Variants in GDPD1 observed in about 807,000 individuals in gnomAD.
The protein encoded by GDPD1 is glycerophosphodiester phosphodiesterase domain containing 1.
Under a neutral mutation model 45.1 loss-of-function variants are expected in GDPD1, and 28 were observed. The ratio of observed to expected loss-of-function variants is 0.62; its 90% confidence interval spans 0.46 to 0.85. GDPD1 has a LOEUF of 0.85. Ranked by LOEUF, GDPD1 falls within the 40% of genes least tolerant of loss-of-function variation. The pLI, the probability that GDPD1 is intolerant of heterozygous loss-of-function variation, is 0.00. For synonymous variants in GDPD1, 139 were observed against 131.4 expected (o/e 1.06, Z -0.40); for missense variants, 256 against 364.8 (o/e 0.70, Z 2.43).
chr17:59,237,374 CTGAG>C (rs1233162415), intron 2 of GDPD1, among the ~76,000 whole-genome samples: 1 of 152,076 alleles, frequency 6.6e-6, no homozygotes, highest in Non-Finnish European at 1.5e-5. Flanking sequence ...GTACTCCAGC[CTGAG>C]TGACAGAGCC....
chr17:59,258,547 AAAAC>A (rs142680413), intron 6 of GDPD1, among the ~76,000 whole-genome samples: 25 of 152,264 alleles, frequency 1.6e-4, no homozygotes, highest in East Asian at 1.9e-4. Context: ...TGTCTCAAAA[AAAAC>A]AAACAAACAC....
chr17:59,240,525 G>A (rs928245981), intron 2 of GDPD1, among the ~76,000 whole-genome samples: 5 of 151,850 alleles, frequency 3.3e-5, no homozygotes, highest in African/African-American at 1.2e-4. Context: ...TTGTCTCTTA[G>A]GCTGGAGTAC....
chr17:59,223,625 A>T (rs976985848), intron 1 of GDPD1, among the ~76,000 whole-genome samples: 2 of 152,170 alleles, frequency 1.3e-5, no homozygotes, highest in African/African-American at 4.8e-5. Flanking sequence ...ATTTTTCCCT[A>T]TAAGTAAGGA....
rs1402237151 is a variant in GDPD1, at chr17:59,245,560, A to C, written c.321+11A>C. The C allele has an allele frequency of 6.3e-7, 1 of 1,593,146 alleles. No individual in the cohort carries two copies. The highest frequency in any genetic ancestry group is 1.8e-5 in the Admixed American group (1 of 56,084). ...GATCTCAAATACTGTGTAAGTAAAAATGCATGATAAACTAATATCTAATAG... is the reference window on the plus strand; with the variant it reads ...GATCTCAAATACTGTGTAAGTAAAACTGCATGATAAACTAATATCTAATAG... On this transcript the variant is annotated intron_variant, in intron 3 of 9. Transcript: ENST00000284116.
chr17:59,256,851 T>C (rs975216732), intron 4 of GDPD1, among the ~76,000 whole-genome samples: 8 of 152,100 alleles, frequency 5.3e-5, no homozygotes, highest in Non-Finnish European at 1.0e-4. Flanking sequence ...AACAGGAAAA[T>C]ATTTATTTTT....
Position 59,257,735 on chromosome 17 carries a change from G to A in GDPD1, c.487-16G>A. On this transcript the variant is annotated splice_polypyrimidine_tract_variant and intron_variant, in intron 5 of 9. Coordinates refer to ENST00000284116, the MANE Select transcript of GDPD1 (RefSeq NM_182569.4). ...CAAATAGGCACATGCATAAAATTTT[G>A]AATTTTCACACGTAGGTTTCAGAGT... 3 of 1,578,426 alleles carry A rather than the reference G, an allele frequency of 1.9e-6. No homozygotes were observed. Among genetic ancestry groups the A allele is most frequent in the Non-Finnish European group, 2.6e-6 (3 of 1,160,308 alleles).
intron 9 of GDPD1, 103 bp from the exon 10 acceptor site, chr17:59,273,548 G>A (rs1467920297): frequency 3.7e-6 from 2 of 535,128 alleles, no homozygotes; most frequent in Non-Finnish European, 6.2e-6. Context: ...GCTTTAAAAG[G>A]TTATTTCTAA....
intron 1 of GDPD1, among the ~76,000 whole-genome samples, chr17:59,228,881 G>GAA (rs879369332): frequency 7.6e-6 from 1 of 131,754 alleles, no homozygotes; most frequent in Admixed American, 7.8e-5. Context: ...CCCTGTCTCA[G>GAA]AAAAAAAAAA....
Position 59,255,800 on chromosome 17 carries a change from T to TATATATATACAC in GDPD1, c.368-1313_368-1312insCACATATATATA, listed in dbSNP as rs1555724199. Among the ~76,000 whole-genome samples, 7 of 66,982 alleles carry TATATATATACAC rather than the reference T, an allele frequency of 1.0e-4. No homozygotes were observed. The East Asian group carries it at 1.2e-3, about 12-fold the overall frequency. The allele number at this position is 66,982 out of a possible 152,430, so 43.9% of individuals were successfully genotyped here. A position where few individuals can be genotyped will look rare whatever the true frequency, so the allele number is the denominator to read the frequency against. On this transcript the variant is annotated intron_variant, in intron 4 of 9. Coordinates refer to ENST00000284116, the MANE Select transcript of GDPD1 (RefSeq NM_182569.4). ...ATATATATATACGCGTATATATGTA[T>TATATATATACAC]ATATATATATACGCGTATATATATA...
intron 2 of GDPD1, among the ~76,000 whole-genome samples, chr17:59,238,603 C>G (rs1310536601): frequency 6.6e-6 from 1 of 151,924 alleles, no homozygotes; most frequent in African/African-American, 2.4e-5. Context: ...GTAGTAGAGA[C>G]AGGGTTTCAC....
intron 7 of GDPD1, among the ~76,000 whole-genome samples, chr17:59,268,915 G>A (rs1597993661): frequency 6.6e-6 from 1 of 151,374 alleles, no homozygotes; most frequent in East Asian, 2.0e-4. Flanking sequence ...GCCTGAACAC[G>A]GGGGGCAGAA....
intron 1 of GDPD1, among the ~76,000 whole-genome samples, chr17:59,233,087 A>C (rs2047103569): frequency 1.3e-5 from 2 of 152,108 alleles, no homozygotes; most frequent in African/African-American, 4.8e-5. Context: ...ATGGTGGCAC[A>C]CACCTGTAAT....
chr17:59,220,615 G>A lies in GDPD1; in HGVS notation c.6G>A (p.Ser2=). Reference sequence around the variant, plus strand: ...CTTCCCACACGGTGACTGAGATGTCGTCCACTGCGGCTTTTTACCTTCTCT... The same window carrying A: ...CTTCCCACACGGTGACTGAGATGTCATCCACTGCGGCTTTTTACCTTCTCT... M[S]STAAFYLLST... The change falls in exon 1 of 10, where the codon TCG becomes TCA. Residue 2 remains serine (S), a synonymous_variant. Transcript: ENST00000284116. The A allele has an allele frequency of 6.2e-7, 1 of 1,613,532 alleles. No homozygotes were observed. The highest frequency in any genetic ancestry group is 8.5e-7 in the Non-Finnish European group (1 of 1,179,734).
At chr17:59,270,838 G>A (rs1597995238) in intron 7 of GDPD1, 98 bp from the exon 8 acceptor site, 1 of 764,642 alleles carries the variant, frequency 1.3e-6, no homozygotes, top group Non-Finnish European at 2.2e-6. Flanking sequence ...AATATACAAA[G>A]TACAAGGCAC....
chr17:59,244,828 T>C (rs1382386725), intron 2 of GDPD1, among the ~76,000 whole-genome samples: 3 of 151,840 alleles, frequency 2.0e-5, no homozygotes, highest in East Asian at 3.9e-4. Flanking sequence ...AGACCCTATC[T>C]CTACTAAAAA....
intron 1 of GDPD1, among the ~76,000 whole-genome samples, chr17:59,233,543 A>G (rs1433712881): frequency 6.6e-6 from 1 of 152,044 alleles, no homozygotes; most frequent in Non-Finnish European, 1.5e-5. Context: ...AGAAAAAACA[A>G]AAACAAAACA....
chr17:59,233,869 A>C (rs1434376087), intron 1 of GDPD1, among the ~76,000 whole-genome samples: 3 of 152,154 alleles, frequency 2.0e-5, no homozygotes, highest in African/African-American at 7.2e-5. Flanking sequence ...TTCGTGCATA[A>C]AATTATTTAA....
rs141441130 is a variant in GDPD1 at position 59,220,866 on chromosome 17, G to T, written c.142+115G>T. On this transcript the variant is annotated intron_variant, in intron 1 of 9. Transcript: ENST00000284116. ...TGAGAGTTTGAGGAAGAATGGGGTT[G>T]TGTGAATTGAGGGCTCTTCCGGAGG... 6.8e-5 allele frequency: 82 copies of T among 1,209,284 alleles called. No homozygotes were observed. The East Asian group carries it at 1.9e-3, about 28-fold the overall frequency. The allele number at this position is 1,209,284 out of a possible 1,614,324, so 74.9% of individuals were successfully genotyped here.
At chr17:59,240,077 G>C (rs1001530097) in intron 2 of GDPD1, among the ~76,000 whole-genome samples, 15 of 152,120 alleles carry the variant, frequency 9.9e-5, no homozygotes, top group African/African-American at 2.9e-4. Context: ...CAGATCAGGA[G>C]GGCAGGAGTT....
Sources: allele counts gnomAD v4.1 joint callset (sites outside exome capture counted in the v4.1 genomes callset), GRCh38; gene constraint gnomAD v4.1.1; transcripts MANE v1.5; gene names NCBI Gene and HGNC (gene_info 2026-07-23, HGNC 2026-07-21).